The following GLRA2 variants were observed in gnomAD, a reference collection of about 807,000 sequenced individuals.
GLRA2 encodes the protein glycine receptor subunit alpha-2.
GLRA2 carries 11 observed loss-of-function variants against 31.6 expected under a neutral mutation model. The ratio of observed to expected loss-of-function variants is 0.35; its 90% CI spans 0.22 to 0.58. GLRA2 has a LOEUF of 0.58. Ranked by LOEUF, GLRA2 falls within the 20% of genes least tolerant of loss-of-function variation. The pLI, the probability that GLRA2 is intolerant of heterozygous loss-of-function variation, is 0.84. For synonymous variants in GLRA2, 132 were observed against 134.0 expected, an observed-to-expected ratio of 0.99 and a Z score of 0.10; for missense variants, 212 against 351.8, an observed-to-expected ratio of 0.60 and a Z score of 3.18.
the GLRA2 span, among the ~76,000 whole-genome samples, chrX:14,520,093 A>G: frequency 4.5e-5 from 5 of 112,344 alleles, no homozygotes; most frequent in Non-Finnish European, 9.4e-5. Context: ...GCTTCTTTTC[A>G]GCATTCTCGG....
intron 7 of GLRA2, among the ~76,000 whole-genome samples, chrX:14,658,234 A>G (rs938678476): frequency 9.0e-6 from 1 of 110,935 alleles, no homozygotes; most frequent in Non-Finnish European, 1.9e-5. Flanking sequence ...TATTATTATC[A>G]TTTTCAGTTC....
At chrX:14,467,399 T>C in the GLRA2 span, among the ~76,000 whole-genome samples, 3 of 112,003 alleles carry the variant, frequency 2.7e-5, no homozygotes, top group Non-Finnish European at 5.6e-5. Context: ...ACTCCCAAAG[T>C]AACGTCCACA....
chrX:14,616,758 T>G (rs1243863419), intron 7 of GLRA2, among the ~76,000 whole-genome samples: 1 of 112,189 alleles, frequency 8.9e-6, no homozygotes, highest in African/African-American at 3.2e-5. Flanking sequence ...TTCCCAGTAT[T>G]TCTGAAAGAA....
intron 2 of GLRA2, among the ~76,000 whole-genome samples, chrX:14,555,441 G>A (rs2089629077): frequency 9.0e-6 from 1 of 111,426 alleles, no homozygotes; most frequent in Non-Finnish European, 1.9e-5. Flanking sequence ...AGTCTTTTTA[G>A]CCCTGAAGTT....
chrX:14,683,502 G>T (rs891939993), intron 7 of GLRA2, among the ~76,000 whole-genome samples: 5 of 111,123 alleles, frequency 4.5e-5, no homozygotes, highest in African/African-American at 1.6e-4. Flanking sequence ...TAGGTTGCCT[G>T]TTCACTCTGA....
At chrX:14,671,868 A>G (rs891059069) in intron 7 of GLRA2, among the ~76,000 whole-genome samples, 1 of 112,686 alleles carries the variant, frequency 8.9e-6, no homozygotes, top group African/African-American at 3.2e-5. Context: ...GAGGCATTCA[A>G]TGAATAGACA....
chrX:14,567,365 A>G (rs1208888216), intron 2 of GLRA2, among the ~76,000 whole-genome samples: 1 of 112,298 alleles, frequency 8.9e-6, no homozygotes, highest in Non-Finnish European at 1.9e-5. Context: ...ACCTCAACTG[A>G]TGCAGAAAAG....
rs2090370271 is a variant in GLRA2, at chrX:14,609,015, A to G, written c.740A>G (p.Lys247Arg). 7.8e-6 allele frequency: 9 copies of G among 1,149,410 alleles called. No homozygotes were observed. Among genetic ancestry groups the G allele is most frequent in the African/African-American group, 3.5e-5 (2 of 56,350 alleles). The allele number at this position is 1,149,410 out of a possible 1,213,427, so 94.7% of individuals were successfully genotyped here. ...GGAAAGTTTACCTGCATTGAGGTCAAGTTTCATCTGGAACGCCAAATGGGA... is the reference window on the plus strand; with the variant it reads ...GGAAAGTTTACCTGCATTGAGGTCAGGTTTCATCTGGAACGCCAAATGGGA... ...NTGKFTCIEV[K>R]FHLERQMGYY... Residue 247 changes from lysine (K) to arginine (R), a missense_variant, in exon 7 of 9, where the codon AAG becomes AGG. Coordinates refer to ENST00000218075, the MANE Select transcript of GLRA2 (RefSeq NM_002063.4).
intron 7 of GLRA2, among the ~76,000 whole-genome samples, chrX:14,617,181 C>T (rs1012007767): frequency 2.7e-5 from 3 of 111,236 alleles, no homozygotes; most frequent in Non-Finnish European, 3.8e-5. Flanking sequence ...TTATTTTGAA[C>T]TCTTTCTCTT....
chrX:14,681,613 G>A (rs773125985), intron 7 of GLRA2, among the ~76,000 whole-genome samples: 27 of 109,714 alleles, frequency 2.5e-4, no homozygotes, highest in African/African-American at 8.3e-4. Context: ...ATAACTGGCC[G>A]GGCACAGTGG....
intron 7 of GLRA2, among the ~76,000 whole-genome samples, chrX:14,675,599 T>C (rs1431952121): frequency 1.8e-5 from 2 of 111,078 alleles, no homozygotes; most frequent in Admixed American, 9.6e-5. Flanking sequence ...CAATATTAGA[T>C]ATGGAGAGAA....
At position 14,683,900 on chromosome X, in the gene GLRA2, T is replaced by TA. The variant is rs1296447123; in HGVS notation, c.931-6800dup. 5.2e-4 allele frequency among the ~76,000 whole-genome samples: 53 copies of TA among 102,728 alleles called. 1 individual carries two copies. The highest frequency in any genetic ancestry group is 5.0e-3 in the Middle Eastern group (1 of 200). The allele number at this position is 102,728 out of a possible 115,157, so 89.2% of individuals were successfully genotyped here. A position where few individuals can be genotyped will look rare whatever the true frequency, so the allele number is the denominator to read the frequency against. ...TACCCTAAAACTTAAAGTATAATAA[T>TA]AAAAAAAAAAGCAGAATCAGTAGGG... is the stretch of plus-strand genomic sequence containing the variant. On this transcript the variant is annotated intron_variant, in intron 7 of 8. Coordinates refer to ENST00000218075, the MANE Select transcript of GLRA2 (RefSeq NM_002063.4).
chrX:14,639,644 A>G (rs2147127003), intron 7 of GLRA2, among the ~76,000 whole-genome samples: 1 of 111,907 alleles, frequency 8.9e-6, no homozygotes, highest in East Asian at 2.8e-4. Flanking sequence ...AACACTGCAC[A>G]TCATTAGCAA....
chrX:14,547,347 A>G (rs1440233950), intron 2 of GLRA2, among the ~76,000 whole-genome samples: 4 of 111,037 alleles, frequency 3.6e-5, no homozygotes, highest in Non-Finnish European at 7.6e-5. Flanking sequence ...TAGGTCTCTC[A>G]TGACCCTTGA....
chrX:14,581,446 C>T, intron 4 of GLRA2, 40 bp downstream of exon 4: 1 of 780,832 alleles, frequency 1.3e-6, no homozygotes, highest in Non-Finnish European at 2.0e-6. Context: ...ATCTCCATTT[C>T]TCCACTAATG....
chrX:14,653,856 G>T (rs141308873), intron 7 of GLRA2, among the ~76,000 whole-genome samples: 1 of 112,490 alleles, frequency 8.9e-6, no homozygotes, highest in African/African-American at 3.2e-5. Flanking sequence ...TGGGCACAGT[G>T]GCTCATGCCT....
At chrX:14,704,073 T>TAAAC (rs1403244020) in intron 8 of GLRA2, among the ~76,000 whole-genome samples, 1 of 111,478 alleles carries the variant, frequency 9.0e-6, no homozygotes, top group Admixed American at 9.5e-5. Flanking sequence ...GCCTCCCCAC[T>TAAAC]AAACACCAGA....
Position 14,730,634 on chromosome X carries a change from A to C in GLRA2, c.*149A>C, listed in dbSNP as rs2091981410. The C allele has an allele frequency of 2.5e-5, 11 of 441,047 alleles. No homozygotes were observed. In the South Asian group the frequency reaches 4.1e-4, roughly 16 times the overall value. 36.3% of individuals were successfully genotyped at this position (441,047 alleles called of 1,213,427 possible). On this transcript the variant is annotated 3_prime_UTR_variant, in exon 9 of 9. Transcript: ENST00000218075. ...GGGTGGGTTTCCTGGCACCTACATG[A>C]AAAAAAAGACAAGTTATATGGGTGA...
the GLRA2 span, among the ~76,000 whole-genome samples, chrX:14,491,670 A>G: frequency 1.8e-5 from 2 of 111,365 alleles, no homozygotes; most frequent in Non-Finnish European, 3.8e-5. Flanking sequence ...AGGTGATGTG[A>G]TGCTATGGGT....
Sources: gnomAD v4.1 joint callset for allele counts (sites outside exome capture counted in the v4.1 genomes callset) on GRCh38, gnomAD v4.1.1 for gene constraint, MANE v1.5 for transcripts, NCBI Gene and HGNC (gene_info 2026-07-23, HGNC 2026-07-21) for gene names.